Variants in ABHD12 observed in about 807,000 individuals in gnomAD.
The protein encoded by ABHD12 is abhydrolase domain containing 12, lysophospholipase, also known as lysophosphatidylserine lipase ABHD12.
In ABHD12, 43 loss-of-function variants were observed where a neutral mutation model predicts 58.3. The ratio of observed to expected loss-of-function variants is 0.74; its 90% CI spans 0.58 to 0.95. ABHD12 has a LOEUF of 0.95. ABHD12 is among the 40% of genes least tolerant of loss of function. The probability of loss-of-function intolerance (pLI) is 0.00; values close to 1 mark genes in which losing one functional copy is unlikely to be tolerated. For missense variants in ABHD12, 539 were observed against 537.2 expected, an observed-to-expected ratio of 1.00 and a Z score of -0.03; for synonymous variants, 219 against 211.2, an observed-to-expected ratio of 1.04 and a Z score of -0.32.
At chr20:25,343,433 T>C (rs2089480480) in intron 1 of ABHD12, among the ~76,000 whole-genome samples, 1 of 152,184 alleles carries the variant, frequency 6.6e-6, no homozygotes, top group East Asian at 1.9e-4. Context: ...GTGCCTGTGA[T>C]CACAGCTTCT....
intron 1 of ABHD12, among the ~76,000 whole-genome samples, chr20:25,342,195 T>C (rs1413392836): frequency 6.8e-6 from 1 of 146,018 alleles, no homozygotes; most frequent in Non-Finnish European, 1.5e-5. Context: ...AGTGAATGGA[T>C]AAACAAACCA....
At chr20:25,296,226 G>A, downstream of ABHD12, 3 of 1,006,224 alleles carry the variant, frequency 3.0e-6, no homozygotes, top group Non-Finnish European at 4.5e-6. Flanking sequence ...CAACGAACAA[G>A]TGATTGTAAT....
At chr20:25,319,837 GCTCAGCTCCTGACTGAGA>G (rs1673135430) in intron 4 of ABHD12, among the ~76,000 whole-genome samples, 1 of 152,220 alleles carries the variant, frequency 6.6e-6, no homozygotes, top group African/African-American at 2.4e-5. Context: ...TGGCTGGGGA[GCTCAGCTCCTGACTGAGA>G]CTCAGCCTCC....
At chr20:25,345,235 G>A (rs62213686) in intron 1 of ABHD12, among the ~76,000 whole-genome samples, 290 of 152,028 alleles carry the variant, frequency 1.9e-3, no homozygotes, top group Non-Finnish European at 3.3e-3. Flanking sequence ...ACAGGTGAGC[G>A]CCACCACATC....
intron 6 of ABHD12, among the ~76,000 whole-genome samples, chr20:25,311,729 G>C (rs2088852667): frequency 6.6e-6 from 1 of 152,092 alleles, no homozygotes; most frequent in Admixed American, 6.6e-5. Context: ...TTTTGAGACA[G>C]GGTCTCGCTC....
At chr20:25,296,277 A>T (rs914209333), downstream of ABHD12, 4 of 1,500,396 alleles carry the variant, frequency 2.7e-6, no homozygotes, top group Non-Finnish European at 3.7e-6. Context: ...CTCGGAGCTC[A>T]TTTGGAAACA....
At chr20:25,332,459 A>G (rs2089293732) in intron 2 of ABHD12, among the ~76,000 whole-genome samples, 1 of 107,634 alleles carries the variant, frequency 9.3e-6, no homozygotes, top group South Asian at 3.3e-4. Flanking sequence ...AGAAGACCTA[A>G]TAGACATCTA....
chr20:25,330,550 A>T (rs1455111738), intron 2 of ABHD12, among the ~76,000 whole-genome samples: 1 of 152,246 alleles, frequency 6.6e-6, no homozygotes, highest in Non-Finnish European at 1.5e-5. Flanking sequence ...ACCTCTGCAG[A>T]CTTAAATGTC....
At chr20:25,335,799 A>G (rs112361825) in intron 2 of ABHD12, among the ~76,000 whole-genome samples, 1,394 of 127,846 alleles carry the variant, frequency 0.011, 30 homozygotes, top group African/African-American at 0.039. Context: ...ACACTCTGGG[A>G]ACTGTTGTGG....
At chr20:25,312,612 A>G (rs1396967426) in intron 6 of ABHD12, among the ~76,000 whole-genome samples, 2 of 147,304 alleles carry the variant, frequency 1.4e-5, no homozygotes, top group African/African-American at 2.5e-5. Context: ...CCGTCTGGGA[A>G]GTGAGGAGCG....
At chr20:25,371,635 TAGAA>T (rs1395174644) in intron 1 of ABHD12, among the ~76,000 whole-genome samples, 1 of 152,216 alleles carries the variant, frequency 6.6e-6, no homozygotes, top group Non-Finnish European at 1.5e-5. Context: ...AGAAACTTGA[TAGAA>T]AGGCCACTGT....
At chr20:25,327,324 G>C (rs190848265) in intron 2 of ABHD12, among the ~76,000 whole-genome samples, 1 of 152,206 alleles carries the variant, frequency 6.6e-6, no homozygotes, top group African/African-American at 2.4e-5. Context: ...AAAATTAGCC[G>C]GGCATGGTGG....
downstream of ABHD12, chr20:25,295,731 G>A: frequency 6.6e-7 from 1 of 1,507,010 alleles, no homozygotes; most frequent in Non-Finnish European, 9.2e-7. Context: ...AGACGTGTTG[G>A]GTCAGATTGT....
intron 2 of ABHD12, among the ~76,000 whole-genome samples, chr20:25,329,259 G>A (rs758866449): frequency 2.6e-5 from 4 of 152,204 alleles, no homozygotes; most frequent in South Asian, 2.1e-4. Flanking sequence ...TGGCCTGGGC[G>A]GTGCGCCCCT....
At chr20:25,342,644 G>A (rs2089469972) in intron 1 of ABHD12, among the ~76,000 whole-genome samples, 1 of 152,116 alleles carries the variant, frequency 6.6e-6, no homozygotes, top group South Asian at 2.1e-4. Flanking sequence ...TGTCACCCAA[G>A]CTGGAGTGCG....
intron 1 of ABHD12, chr20:25,368,548 A>G (rs1196668092): frequency 2.8e-6 from 4 of 1,420,690 alleles, no homozygotes; most frequent in East Asian, 4.6e-5. Flanking sequence ...TGGACTTGCC[A>G]CCAGTGCCAT....
At position 25,348,102 on chromosome 20, in the gene ABHD12, C is replaced by G. The variant is rs1254788408; in HGVS notation, c.192-8751G>C. On this transcript the variant is annotated intron_variant, in intron 1 of 12. Transcript: ENST00000339157. ...GCACACGCCTGTAGTCCCAGCTACT[C>G]GGGAGGCTGAGGCAGGAGAATCGCT... Among the ~76,000 whole-genome samples, 4 of 151,536 alleles carry G rather than the reference C, an allele frequency of 2.6e-5. No individual in the cohort carries two copies. The East Asian group carries it at 7.8e-4, about 29-fold the overall frequency.
intron 1 of ABHD12, among the ~76,000 whole-genome samples, chr20:25,377,774 T>C (rs2089977850): frequency 1.3e-5 from 2 of 152,338 alleles, no homozygotes; most frequent in Middle Eastern, 3.4e-3. Context: ...CTCGGCTCAC[T>C]GCAACTTCTG....
At chr20:25,338,008 A>G (rs1280358143) in intron 2 of ABHD12, among the ~76,000 whole-genome samples, 1 of 152,228 alleles carries the variant, frequency 6.6e-6, no homozygotes, top group Non-Finnish European at 1.5e-5. Flanking sequence ...TTTACAAAGT[A>G]TTAAATAGCC....
Sources: gnomAD v4.1 joint callset for allele counts (sites outside exome capture counted in the v4.1 genomes callset) on GRCh38, gnomAD v4.1.1 for gene constraint, MANE v1.5 for transcripts, NCBI Gene and HGNC (gene_info 2026-07-23, HGNC 2026-07-21) for gene names.